The following PNPLA1 variants were observed in gnomAD, a reference collection of about 807,000 sequenced individuals.
PNPLA1 encodes patatin like domain 1, omega-hydroxyceramide transacylase.
Under a neutral mutation model 51.7 loss-of-function variants are expected in PNPLA1, and 36 were observed. That is an observed-to-expected ratio of 0.70 (90% CI 0.53 to 0.92). PNPLA1 has a LOEUF of 0.92. Among genes scored for constraint, PNPLA1 ranks in the 40% least tolerant of loss-of-function variants. PNPLA1 has a pLI of 0.00. For missense variants in PNPLA1, 658 were observed against 682.5 expected, an observed-to-expected ratio of 0.96 and a Z score of 0.40; for synonymous variants, 293 against 280.1, an observed-to-expected ratio of 1.05 and a Z score of -0.46.
chr6:36,296,968 G>T (rs890274126), intron 5 of PNPLA1, among the ~76,000 whole-genome samples: 1 of 152,208 alleles, frequency 6.6e-6, no homozygotes, highest in Non-Finnish European at 1.5e-5. Context: ...TTATTTTGAA[G>T]ATTAAAGGAG....
At chr6:36,277,182 A>C (rs1439468234) in intron 1 of PNPLA1, among the ~76,000 whole-genome samples, 2 of 152,208 alleles carry the variant, frequency 1.3e-5, no homozygotes, top group African/African-American at 2.4e-5. Flanking sequence ...AGTGCAAGTC[A>C]ACTGACGTCA....
At chr6:36,271,270 G>A (rs1252355040) in intron 1 of PNPLA1, among the ~76,000 whole-genome samples, 2 of 152,152 alleles carry the variant, frequency 1.3e-5, no homozygotes, top group African/African-American at 4.8e-5. Context: ...GAGCCTCAGC[G>A]AGAAGAACTG....
At chr6:36,276,836 C>T (rs1325423617) in intron 1 of PNPLA1, among the ~76,000 whole-genome samples, 10 of 152,174 alleles carry the variant, frequency 6.6e-5, no homozygotes, top group Admixed American at 2.6e-4. Flanking sequence ...GCAGAGGATG[C>T]GAAGATACAA....
Position 36,294,957 on chromosome 6 carries a change from C to G in PNPLA1, c.715-407C>G, listed in dbSNP as rs184403741. Among the ~76,000 whole-genome samples, 4 of 152,366 alleles carry G rather than the reference C, an allele frequency of 2.6e-5. No homozygotes were observed. The highest frequency in any genetic ancestry group is 7.2e-5 in the African/African-American group (3 of 41,596). On this transcript the variant is annotated intron_variant, in intron 4 of 8. Transcript: ENST00000636260. The surrounding 1 kb of genome is among the most constrained non-coding windows in gnomAD (Gnocchi z 4.2). ...GCATCCTCTATGATCAATATTATAA[C>G]TGTCCCCATTTTATAGATGAAGAAA...
chr6:36,297,819 C>T (rs2127348778), intron 5 of PNPLA1, among the ~76,000 whole-genome samples: 1 of 152,206 alleles, frequency 6.6e-6, no homozygotes, highest in South Asian at 2.1e-4. Context: ...TCCTCCCCCA[C>T]TCCCTTCTTC....
intron 2 of PNPLA1, among the ~76,000 whole-genome samples, chr6:36,292,192 C>A (rs1208493593): frequency 6.6e-6 from 1 of 152,122 alleles, no homozygotes; most frequent in African/African-American, 2.4e-5. Context: ...TTCCTTCCCC[C>A]ACATACAGGG....
rs537744721 is a variant in PNPLA1, at chr6:36,270,814, C to T, written c.205+150C>T. Reference sequence around the variant, plus strand: ...GGAAGAGCTGGTTGGAGTAGGATAGCGGCAGCTGTGACGTTTGAAGGTTGG... The same window carrying T: ...GGAAGAGCTGGTTGGAGTAGGATAGTGGCAGCTGTGACGTTTGAAGGTTGG... On this transcript the variant is annotated intron_variant, in intron 1 of 8. Coordinates refer to ENST00000636260, the MANE Select transcript of PNPLA1 (RefSeq NM_001374623.1). 114 of 961,736 alleles carry T rather than the reference C, an allele frequency of 1.2e-4. 2 individuals carry two copies. In the East Asian group the frequency reaches 2.6e-3, roughly 22 times the overall value. 59.6% of individuals were successfully genotyped at this position (961,736 alleles called of 1,614,324 possible).
Position 36,307,662 on chromosome 6 carries a change from A to G in PNPLA1, c.1545A>G (p.Arg515=), listed in dbSNP as rs756034166. The G allele has an allele frequency of 1.2e-6, 2 of 1,613,808 alleles. No individual in the cohort carries two copies. Among genetic ancestry groups the G allele is most frequent in the Admixed American group, 3.3e-5 (2 of 60,012 alleles). The change falls in exon 8 of 9, where the codon AGA becomes AGG. Residue 515 remains arginine (R), a synonymous_variant. Transcript: ENST00000636260. The part of the protein sequence containing the change: ...KKNKQKTSGT[R]KGFPRHSGSK... ...ACAAGCAAAAGACAAGTGGCACCAG[A>G]AAAGGCTTCCCAAGACATTCGGGAT...
At chr6:36,267,785 G>C (rs1769796890), upstream of PNPLA1, among the ~76,000 whole-genome samples, 1 of 151,370 alleles carries the variant, frequency 6.6e-6, no homozygotes, top group African/African-American at 2.4e-5. Context: ...TGCCATCCCT[G>C]CCCCCCCCAT....
upstream of PNPLA1, among the ~76,000 whole-genome samples, chr6:36,265,672 G>C (rs1237910192): frequency 6.6e-6 from 1 of 152,126 alleles, no homozygotes; most frequent in East Asian, 1.9e-4. Flanking sequence ...AATATCAAGG[G>C]AACAGTGACT....
intron 5 of PNPLA1, among the ~76,000 whole-genome samples, chr6:36,298,127 T>G (rs552567839): frequency 5.3e-4 from 81 of 152,348 alleles, no homozygotes; most frequent in African/African-American, 1.9e-3. Context: ...AATGTATAAA[T>G]AGTTTGTTCC....
intron 1 of PNPLA1, among the ~76,000 whole-genome samples, chr6:36,284,021 T>G (rs184556550): frequency 6.6e-6 from 1 of 152,376 alleles, no homozygotes; most frequent in East Asian, 1.9e-4. Context: ...ACTTTCTAGA[T>G]GCATTCCCTC....
chr6:36,270,169 T>TG lies in PNPLA1; in HGVS notation c.-285dup, dbSNP rs1267411087. 3.9e-5 allele frequency among the ~76,000 whole-genome samples: 6 copies of TG among 152,308 alleles called. No individual in the cohort carries two copies. Among genetic ancestry groups the TG allele is most frequent in the African/African-American group, 1.2e-4 (5 of 41,570 alleles). ...GAATCTAGCCAAGAAATGAAGCCAGTGGGGGGCTCACAGGACCAAGACCCT... is the reference window on the plus strand; with the variant it reads ...GAATCTAGCCAAGAAATGAAGCCAGTGGGGGGGCTCACAGGACCAAGACCCT... On this transcript the variant is annotated 5_prime_UTR_variant, in exon 1 of 9. It removes the in-frame stop codon of an upstream open reading frame in the 5' UTR. Transcript: ENST00000636260.
At chr6:36,256,600 A>G (rs1360357746) in intron 1 of PNPLA1, among the ~76,000 whole-genome samples, 5 of 152,016 alleles carry the variant, frequency 3.3e-5, no homozygotes, top group South Asian at 2.1e-4. Flanking sequence ...GGCACGTGCC[A>G]CCATGCCTGG....
intron 7 of PNPLA1, 24 bp from the exon 8 acceptor site, chr6:36,307,563 C>G: frequency 1.2e-6 from 2 of 1,610,796 alleles, no homozygotes; most frequent in Non-Finnish European, 1.7e-6. Flanking sequence ...CATAATGAAC[C>G]ATCTACTTAA....
chr6:36,306,453 A>C, intron 7 of PNPLA1, 77 bp downstream of exon 7: 2 of 1,277,480 alleles, frequency 1.6e-6, no homozygotes, highest in Non-Finnish European at 2.2e-6. Flanking sequence ...ATCTTCCACC[A>C]CCTTAGCTGC....
chr6:36,304,651 A>AG (rs1771177395), intron 6 of PNPLA1, among the ~76,000 whole-genome samples: 1 of 148,888 alleles, frequency 6.7e-6, no homozygotes, highest in South Asian at 2.1e-4. Context: ...AAAAAAAAAA[A>AG]GTCAGAAAAT....
At chr6:36,283,103 T>A (rs1368460708) in intron 1 of PNPLA1, among the ~76,000 whole-genome samples, 1 of 152,238 alleles carries the variant, frequency 6.6e-6, no homozygotes, top group Non-Finnish European at 1.5e-5. Flanking sequence ...TCTCCCCTAA[T>A]GTTAACATCT....
At chr6:36,298,972 C>T (rs1431509627) in intron 5 of PNPLA1, among the ~76,000 whole-genome samples, 4 of 152,138 alleles carry the variant, frequency 2.6e-5, no homozygotes, top group East Asian at 1.9e-4. Flanking sequence ...CTCCTCACCT[C>T]GTGATCTGCC....
Sources: allele counts gnomAD v4.1 joint callset (sites outside exome capture counted in the v4.1 genomes callset), GRCh38; gene constraint gnomAD v4.1.1; non-coding constraint Gnocchi (gnomAD v3.1); transcripts MANE v1.5; gene names NCBI Gene and HGNC (gene_info 2026-07-23, HGNC 2026-07-21).